PBX3: variants seen among roughly 807,000 people sequenced by gnomAD.
PBX3 encodes PBX homeobox 3.
A neutral mutation model predicts 48.5 loss-of-function variants in PBX3; 14 were observed. The ratio of observed to expected loss-of-function variants is 0.29; its 90% CI spans 0.19 to 0.45. The LOEUF (loss-of-function observed/expected upper bound fraction) is 0.45, where lower values mean the gene tolerates loss of function less well. Among genes scored for constraint, PBX3 ranks in the 20% least tolerant of loss-of-function variants. The pLI, the probability that PBX3 is intolerant of heterozygous loss-of-function variation, is 1.00. For synonymous variants in PBX3, 210 were observed against 200.3 expected (o/e 1.05, Z -0.41); for missense variants, 386 against 546.7 (o/e 0.71, Z 2.93).
At chr9:125,858,622 A>ATTTTT (rs36077474) in intron 2 of PBX3, among the ~76,000 whole-genome samples, 6 of 117,800 alleles carry the variant, frequency 5.1e-5, no homozygotes, top group Non-Finnish European at 6.7e-5. Context: ...ACTTTGGTCC[A>ATTTTT]TTTTTTTTTT....
chr9:125,749,433 G>A (rs1836304573), intron 2 of PBX3: 1 of 152,130 alleles, frequency 6.6e-6, no homozygotes, highest in Admixed American at 6.5e-5. Context: ...CTTGACGTGA[G>A]GTAACTGCTC....
At chr9:125,933,141 C>G (rs192213681) in intron 4 of PBX3, among the ~76,000 whole-genome samples, 5 of 152,352 alleles carry the variant, frequency 3.3e-5, no homozygotes, top group African/African-American at 9.6e-5. Flanking sequence ...TTGGTTCCAT[C>G]TATTCTTGTA....
At chr9:125,818,542 G>A (rs1035139214) in intron 2 of PBX3, among the ~76,000 whole-genome samples, 8 of 152,080 alleles carry the variant, frequency 5.3e-5, no homozygotes, top group Non-Finnish European at 7.4e-5. Flanking sequence ...TAGAGACAGA[G>A]TTTCTCCATG....
In PBX3 at chr9:125,949,528, G is replaced by GTATA. The variant is rs754522528; in HGVS notation, c.844-11145_844-11142dup. Reference sequence around the variant, plus strand: ...TTAGTCTCTGATGGACCTATACTGTGTATATATATATATAGTATTCTTTAC... The same window carrying GTATA: ...TTAGTCTCTGATGGACCTATACTGTGTATATATATATATATATAGTATTCTTTAC... On this transcript the variant is annotated intron_variant, in intron 5 of 8. Coordinates refer to ENST00000373489, the MANE Select transcript of PBX3 (RefSeq NM_006195.6). 10 of 1,427,906 alleles carry GTATA rather than the reference G, an allele frequency of 7.0e-6. No individual in the cohort carries two copies. In the African/African-American group the frequency reaches 1.3e-4, roughly 19 times the overall value. The allele number at this position is 1,427,906 out of a possible 1,614,324, so 88.5% of individuals were successfully genotyped here.
intron 2 of PBX3, among the ~76,000 whole-genome samples, chr9:125,868,012 A>T (rs1840031083): frequency 6.6e-6 from 1 of 152,042 alleles, no homozygotes; most frequent in Non-Finnish European, 1.5e-5. Flanking sequence ...AGTAGCTGGG[A>T]CCACAGGTGT....
intron 2 of PBX3, among the ~76,000 whole-genome samples, chr9:125,815,954 T>G (rs190418574): frequency 4.6e-5 from 7 of 151,988 alleles, no homozygotes; most frequent in Admixed American, 4.6e-4. Flanking sequence ...AAATCTGGTC[T>G]TCTTCAGCCC....
chr9:125,866,069 A>G (rs1683915416), intron 2 of PBX3, among the ~76,000 whole-genome samples: 1 of 152,142 alleles, frequency 6.6e-6, no homozygotes, highest in African/African-American at 2.4e-5. Context: ...GTTTGAAAAA[A>G]GCAACGGTCA....
At chr9:125,958,708 T>A (rs1564191601) in intron 5 of PBX3, among the ~76,000 whole-genome samples, 2 of 152,270 alleles carry the variant, frequency 1.3e-5, no homozygotes, top group East Asian at 3.9e-4. Context: ...ACCCATTGAA[T>A]TGGAAGTTGT....
At chr9:125,896,934 GTTTCC>G (rs1328046717) in intron 2 of PBX3, among the ~76,000 whole-genome samples, 2 of 151,826 alleles carry the variant, frequency 1.3e-5, no homozygotes, top group Non-Finnish European at 2.9e-5. Context: ...TATATTAACT[GTTTCC>G]TTTCCTGTTC....
intron 2 of PBX3, among the ~76,000 whole-genome samples, chr9:125,895,301 CAT>C (rs1028634480): frequency 6.6e-6 from 1 of 152,030 alleles, no homozygotes; most frequent in Admixed American, 6.6e-5. Flanking sequence ...AGAATGTACA[CAT>C]GATAGAGAAA....
intron 2 of PBX3, among the ~76,000 whole-genome samples, chr9:125,910,256 T>C (rs977281647): frequency 6.6e-6 from 1 of 152,148 alleles, no homozygotes; most frequent in African/African-American, 2.4e-5. Flanking sequence ...GAAATGGACA[T>C]ATATGATAAA....
chr9:125,931,698 G>T (rs775796491), intron 4 of PBX3, among the ~76,000 whole-genome samples: 4 of 152,072 alleles, frequency 2.6e-5, no homozygotes, highest in Non-Finnish European at 4.4e-5. Flanking sequence ...TGCCCCAATT[G>T]AGCTTATATT....
chr9:125,894,830 C>T (rs768173340), intron 2 of PBX3, among the ~76,000 whole-genome samples: 15 of 151,984 alleles, frequency 9.9e-5, no homozygotes, highest in Non-Finnish European at 5.9e-5. Flanking sequence ...ACAGCTATAG[C>T]TTCGTGAGGC....
At position 125,818,131 on chromosome 9, in the gene PBX3, G is replaced by A. The variant is rs369938441; in HGVS notation, c.274+69508G>A. Among the ~76,000 whole-genome samples, 22 of 151,858 alleles carry A rather than the reference G, an allele frequency of 1.4e-4. No individual in the cohort carries two copies. The South Asian group carries it at 2.9e-3, about 20-fold the overall frequency. ...GAAGAATAGCTAGAACCCGGGAGGC[G>A]GAGGTTGCAGTGAGCTGAGATGGTG... On this transcript the variant is annotated intron_variant, in intron 2 of 8. Coordinates refer to ENST00000373489, the MANE Select transcript of PBX3 (RefSeq NM_006195.6).
chr9:125,906,194 A>G (rs1009462947), intron 2 of PBX3, among the ~76,000 whole-genome samples: 2 of 152,032 alleles, frequency 1.3e-5, no homozygotes, highest in African/African-American at 2.4e-5. Flanking sequence ...TAATCATGCC[A>G]TGCTTCACAA....
intron 2 of PBX3, among the ~76,000 whole-genome samples, chr9:125,788,390 A>G (rs1157982944): frequency 1.3e-5 from 2 of 152,238 alleles, no homozygotes; most frequent in East Asian, 1.9e-4. Context: ...TGGGAAGGAC[A>G]TATCCCAAAA....
At chr9:125,878,688 T>C (rs1244828868) in intron 2 of PBX3, among the ~76,000 whole-genome samples, 1 of 152,252 alleles carries the variant, frequency 6.6e-6, no homozygotes, top group Non-Finnish European at 1.5e-5. Context: ...ATTTGGATGC[T>C]GATGATGTTC....
intron 2 of PBX3, among the ~76,000 whole-genome samples, chr9:125,911,880 A>T (rs914233601): frequency 6.6e-6 from 1 of 152,114 alleles, no homozygotes; most frequent in Non-Finnish European, 1.5e-5. Context: ...ATTATTATGG[A>T]TATTATCTAT....
Position 125,858,262 on chromosome 9 carries a change from G to A in PBX3, c.275-57424G>A, listed in dbSNP as rs549410852. Among the ~76,000 whole-genome samples, 4 of 152,292 alleles carry A rather than the reference G, an allele frequency of 2.6e-5. No homozygotes were observed. In the East Asian group the frequency reaches 5.8e-4, roughly 22 times the overall value. ...TGCTTGTAGTCCTAGCTACTTGGGA[G>A]GCTGAAGAGCATTTAGTAAGGCATT... On this transcript the variant is annotated intron_variant, in intron 2 of 8. Coordinates refer to ENST00000373489, the MANE Select transcript of PBX3 (RefSeq NM_006195.6).
Sources: allele counts gnomAD v4.1 joint callset (sites outside exome capture counted in the v4.1 genomes callset), GRCh38; gene constraint gnomAD v4.1.1; transcripts MANE v1.5; gene names NCBI Gene and HGNC (gene_info 2026-07-23, HGNC 2026-07-21).